FAM53A: variants seen among roughly 807,000 people sequenced by gnomAD.
The protein encoded by FAM53A is family with sequence similarity 53 member A, also known as protein FAM53A.
Under a neutral mutation model 26.6 loss-of-function variants are expected in FAM53A, and 28 were observed. The ratio of observed to expected loss-of-function variants is 1.05; its 90% confidence interval spans 0.78 to 1.45. The LOEUF (loss-of-function observed/expected upper bound fraction) is 1.45, where lower values mean the gene tolerates loss of function less well. Among genes scored for constraint, FAM53A ranks in the 40% most tolerant of loss-of-function variants. The pLI, the probability that FAM53A is intolerant of heterozygous loss-of-function variation, is 0.00. For synonymous variants in FAM53A, 290 were observed against 253.1 expected (o/e 1.15, Z -1.38); for missense variants, 650 against 575.8 (o/e 1.13, Z -1.32).
the FAM53A span, among the ~76,000 whole-genome samples, chr4:1,576,543 A>G: frequency 2.6e-5 from 4 of 152,236 alleles, no homozygotes; most frequent in African/African-American, 9.6e-5. Context: ...AAGGGGCTCA[A>G]TTGGGACTCC....
chr4:1,577,718 G>C, the FAM53A span, among the ~76,000 whole-genome samples: 1 of 152,222 alleles, frequency 6.6e-6, no homozygotes, highest in Non-Finnish European at 1.5e-5. Context: ...CGGCGCTCTT[G>C]TTAATTGGCC....
the FAM53A span, among the ~76,000 whole-genome samples, chr4:1,608,470 C>A: frequency 2.0e-5 from 3 of 152,334 alleles, no homozygotes; most frequent in African/African-American, 7.2e-5. Context: ...GTGGAGGCTG[C>A]AGTTGTCTCC....
intron 1 of FAM53A, among the ~76,000 whole-genome samples, chr4:1,629,484 C>T (rs945797498): frequency 1.3e-5 from 2 of 152,328 alleles, no homozygotes; most frequent in East Asian, 1.9e-4. Context: ...CAGTAGGAGA[C>T]ATGTCCGTCC....
intron 2 of FAM53A, among the ~76,000 whole-genome samples, chr4:1,667,758 C>A (rs1352709739): frequency 2.6e-5 from 4 of 152,206 alleles, no homozygotes; most frequent in Admixed American, 6.5e-5. Flanking sequence ...AGAGCCACAG[C>A]CAAGCCAGGC....
chr4:1,678,363 G>A (rs1372980291), intron 1 of FAM53A, among the ~76,000 whole-genome samples: 1 of 152,166 alleles, frequency 6.6e-6, no homozygotes, highest in Non-Finnish European at 1.5e-5. Flanking sequence ...GACAGTGTGG[G>A]ATGGGCAAAA....
the FAM53A span, among the ~76,000 whole-genome samples, chr4:1,606,238 G>T: frequency 6.6e-6 from 1 of 151,512 alleles, no homozygotes; most frequent in Non-Finnish European, 1.5e-5. Context: ...GTAGAGACAG[G>T]GTTTCACCGT....
chr4:1,650,168 G>T lies in FAM53A; in HGVS notation c.882+4810C>A, dbSNP rs370801860. 6.5e-5 allele frequency among the ~76,000 whole-genome samples: 8 copies of T among 123,892 alleles called. 1 individual carries two copies. The East Asian group carries it at 2.0e-3, about 31-fold the overall frequency. 81.3% of individuals were successfully genotyped at this position (123,892 alleles called of 152,430 possible). A position where few individuals can be genotyped will look rare whatever the true frequency, so the allele number is the denominator to read the frequency against. On this transcript the variant is annotated intron_variant, in intron 4 of 4. Transcript: ENST00000308132. ...GTGGCACAGGCGTGGTGTTTGTGAG[G>T]TGGCACAGGCGTGGCGTTTGACTGT...
chr4:1,637,793 C>T (rs1350731280), downstream of FAM53A, among the ~76,000 whole-genome samples: 3 of 152,104 alleles, frequency 2.0e-5, no homozygotes, highest in African/African-American at 4.8e-5. Flanking sequence ...CAGGCACAAC[C>T]CCGGCCCTCC....
At chr4:1,613,430 C>T (rs1714698986), downstream of FAM53A, among the ~76,000 whole-genome samples, 1 of 152,224 alleles carries the variant, frequency 6.6e-6, no homozygotes, top group African/African-American at 2.4e-5. Context: ...GAAACCTAAC[C>T]ATCTCCCAAA....
At chr4:1,652,275 CCAGA>C (rs1208613470) in intron 4 of FAM53A, among the ~76,000 whole-genome samples, 6 of 148,710 alleles carry the variant, frequency 4.0e-5, no homozygotes, top group Non-Finnish European at 7.5e-5. Context: ...ACCGCATACA[CCAGA>C]CACACACATG....
the FAM53A span, among the ~76,000 whole-genome samples, chr4:1,577,504 G>C: frequency 6.6e-6 from 1 of 152,170 alleles, no homozygotes. Flanking sequence ...GCAGCGGTGA[G>C]GTACCCAGCA....
intron 4 of FAM53A, among the ~76,000 whole-genome samples, chr4:1,652,652 A>G (rs1220403294): frequency 6.9e-6 from 1 of 145,424 alleles, no homozygotes; most frequent in African/African-American, 2.6e-5. Flanking sequence ...GACATATCCA[A>G]TACACCACAT....
chr4:1,600,803 AC>A, the FAM53A span, among the ~76,000 whole-genome samples: 12 of 152,120 alleles, frequency 7.9e-5, no homozygotes, highest in African/African-American at 2.9e-4. Context: ...ATCCCCCTGC[AC>A]CCAGCCCTGA....
At chr4:1,593,115 C>T in the FAM53A span, among the ~76,000 whole-genome samples, 1 of 152,186 alleles carries the variant, frequency 6.6e-6, no homozygotes, top group Non-Finnish European at 1.5e-5. Context: ...CACAGGCGTC[C>T]TGTGCGGGAG....
At chr4:1,615,682 G>A (rs1375202457), downstream of FAM53A, among the ~76,000 whole-genome samples, 1 of 152,256 alleles carries the variant, frequency 6.6e-6, no homozygotes, top group African/African-American at 2.4e-5. Flanking sequence ...CGCACACAGG[G>A]GATGGCCCGA....
chr4:1,618,275 A>G (rs1200290664), intron 1 of FAM53A, among the ~76,000 whole-genome samples: 1 of 152,174 alleles, frequency 6.6e-6, no homozygotes, highest in Non-Finnish European at 1.5e-5. Flanking sequence ...GGCCACCCTC[A>G]GTGGGGATGG....
chr4:1,613,013 G>A (rs1577076155), downstream of FAM53A, among the ~76,000 whole-genome samples: 2 of 152,168 alleles, frequency 1.3e-5, no homozygotes, highest in South Asian at 2.1e-4. Context: ...ACACTGGCAC[G>A]GCCTCCCAGC....
chr4:1,584,626 T>C, the FAM53A span, among the ~76,000 whole-genome samples: 32 of 152,310 alleles, frequency 2.1e-4, no homozygotes, highest in East Asian at 4.8e-3. Flanking sequence ...GATGTCCCCA[T>C]TGGCCACTCC....
chr4:1,626,670 GGGACCCGGGGA>G (rs761748600), intron 1 of FAM53A, among the ~76,000 whole-genome samples: 1 of 152,054 alleles, frequency 6.6e-6, no homozygotes, highest in African/African-American at 2.4e-5. Flanking sequence ...TGAGCCCGGG[GGGACCCGGGGA>G]GGACCCGGGA....
Sources: gnomAD v4.1 joint callset for allele counts (sites outside exome capture counted in the v4.1 genomes callset) on GRCh38, gnomAD v4.1.1 for gene constraint, MANE v1.5 for transcripts, NCBI Gene and HGNC (gene_info 2026-07-23, HGNC 2026-07-21) for gene names.